CNTN1: variants seen among roughly 807,000 people sequenced by gnomAD.
CNTN1 encodes contactin-1.
In CNTN1, 38 loss-of-function variants were observed where a neutral mutation model predicts 126.4. That is an observed-to-expected ratio of 0.30 (90% CI 0.23 to 0.39). The LOEUF is 0.39. Ranked by LOEUF, CNTN1 falls within the 10% of genes least tolerant of loss-of-function variation. CNTN1 has a pLI of 1.00. For synonymous variants in CNTN1, 413 were observed against 422.6 expected, an observed-to-expected ratio of 0.98 and a Z score of 0.28; for missense variants, 1,009 against 1,248.4, an observed-to-expected ratio of 0.81 and a Z score of 2.89.
chr12:40,791,367 G>A (rs374491887), intron 1 of CNTN1, among the ~76,000 whole-genome samples: 1 of 152,160 alleles, frequency 6.6e-6, no homozygotes, highest in Non-Finnish European at 1.5e-5. Flanking sequence ...CAAATTCTCT[G>A]CTATGGTCTA....
At chr12:40,870,479 T>A (rs1943447782) in intron 1 of CNTN1, among the ~76,000 whole-genome samples, 1 of 152,162 alleles carries the variant, frequency 6.6e-6, no homozygotes, top group Non-Finnish European at 1.5e-5. Flanking sequence ...ATAATGTTTA[T>A]TTCAACTTCC....
intron 1 of CNTN1, among the ~76,000 whole-genome samples, chr12:40,906,848 T>G (rs1311243785): frequency 6.6e-6 from 1 of 151,900 alleles, no homozygotes; most frequent in African/African-American, 2.4e-5. Context: ...AGGCTAGTTT[T>G]ATATTTTTAG....
At chr12:41,028,080 G>T in intron 22 of CNTN1, 111 bp downstream of exon 22, 3 of 731,936 alleles carry the variant, frequency 4.1e-6, no homozygotes, top group Non-Finnish European at 7.2e-6. Context: ...CACCCAGACC[G>T]GAGTGCAGTG....
At chr12:40,951,954 C>A (rs1469273253) in intron 14 of CNTN1, among the ~76,000 whole-genome samples, 2 of 151,384 alleles carry the variant, frequency 1.3e-5, no homozygotes, top group Admixed American at 1.3e-4. Flanking sequence ...GTTAGCTAGA[C>A]AATTAGATAA....
At chr12:40,939,605 A>G (rs914030260) in intron 12 of CNTN1, 120 bp downstream of exon 12, 11 of 1,083,462 alleles carry the variant, frequency 1.0e-5, no homozygotes, top group Non-Finnish European at 1.5e-5. Context: ...TTTTTCACAG[A>G]AGATCCTGTA....
In CNTN1 at chr12:40,750,620, T is replaced by C. The variant is rs1226879735; in HGVS notation, c.-77+58028T>C. 4.0e-5 allele frequency among the ~76,000 whole-genome samples: 6 copies of C among 151,768 alleles called. No homozygotes were observed. The South Asian group carries it at 8.3e-4, about 21-fold the overall frequency. ...GAGTTTAAGAACAGTCTAGGCAAGA[T>C]AGTGAGACCCCCATCTCTATTTTGA... On this transcript the variant is annotated intron_variant, in intron 1 of 23. Transcript: ENST00000551295.
At chr12:40,829,624 G>C (rs1941740048) in intron 1 of CNTN1, among the ~76,000 whole-genome samples, 1 of 152,046 alleles carries the variant, frequency 6.6e-6, no homozygotes, top group Admixed American at 6.6e-5. Flanking sequence ...CTGTTGTCCA[G>C]GTGTTGTGCA....
At chr12:41,057,468 T>C (rs994986771) in intron 23 of CNTN1, among the ~76,000 whole-genome samples, 2 of 151,866 alleles carry the variant, frequency 1.3e-5, no homozygotes, top group Non-Finnish European at 2.9e-5. Context: ...TTTAGCTCGG[T>C]GAAATATTTT....
chr12:40,993,724 AT>A (rs1353306415), intron 17 of CNTN1, among the ~76,000 whole-genome samples: 1 of 152,124 alleles, frequency 6.6e-6, no homozygotes, highest in Admixed American at 6.6e-5. Context: ...GTCGGTGGAT[AT>A]TTTATGGTAA....
Position 40,950,097 on chromosome 12 carries a change from GGTGTGTGTGTGTGTGTGT to G in CNTN1, c.1683+5956_1683+5973del, listed in dbSNP as rs59713493. 2.1e-3 allele frequency among the ~76,000 whole-genome samples: 308 copies of G among 145,232 alleles called. 2 individuals are homozygous for G. The highest frequency in any genetic ancestry group is 6.3e-3 in the East Asian group (30 of 4,744). On this transcript the variant is annotated intron_variant, in intron 14 of 23. Transcript: ENST00000551295. ...ATCACAACTGTAGAGGTGTTGAGAG[GGTGTGTGTGTGTGTGTGT>G]GTGTGTGTGTGTGTGTGTGTGTGTG...
At chr12:41,034,626 C>T (rs1461609341) in intron 23 of CNTN1, among the ~76,000 whole-genome samples, 1 of 152,164 alleles carries the variant, frequency 6.6e-6, no homozygotes, top group Non-Finnish European at 1.5e-5. Context: ...TTTTCCTTTA[C>T]CCCATTTTTC....
intron 1 of CNTN1, among the ~76,000 whole-genome samples, chr12:40,747,901 G>A (rs894994664): frequency 4.6e-5 from 7 of 152,264 alleles, no homozygotes; most frequent in Admixed American, 3.9e-4. Flanking sequence ...GCAATCAGTA[G>A]TCTGAGTTGA....
chr12:40,707,227 C>CTTTTTTTTTTTTTTTTTTTT lies in CNTN1; in HGVS notation c.-77+14655_-77+14674dup, dbSNP rs370984371. Among the ~76,000 whole-genome samples the CTTTTTTTTTTTTTTTTTTTT allele has an allele frequency of 2.2e-4, 24 of 109,178 alleles. 4 individuals are homozygous for CTTTTTTTTTTTTTTTTTTTT. Among genetic ancestry groups the CTTTTTTTTTTTTTTTTTTTT allele is most frequent in the African/African-American group, 8.0e-4 (21 of 26,098 alleles). The allele number at this position is 109,178 out of a possible 152,430, so 71.6% of individuals were successfully genotyped here. ...TTCCTCTTTCATTTCTTTTCTTTTT[C>CTTTTTTTTTTTTTTTTTTTT]TTTTTTTTTTTTTTTTTTTTTTTTT... is the stretch of plus-strand genomic sequence containing the variant. On this transcript the variant is annotated intron_variant, in intron 1 of 23. Coordinates refer to ENST00000551295, the MANE Select transcript of CNTN1 (RefSeq NM_001843.4).
chr12:40,831,531 G>C (rs1380795559), intron 1 of CNTN1, among the ~76,000 whole-genome samples: 4 of 151,986 alleles, frequency 2.6e-5, no homozygotes, highest in African/African-American at 9.7e-5. Flanking sequence ...TGATTAAATT[G>C]GTTCCCCCTC....
At chr12:40,952,752 G>A (rs1946734648) in intron 14 of CNTN1, among the ~76,000 whole-genome samples, 2 of 152,086 alleles carry the variant, frequency 1.3e-5, no homozygotes, top group African/African-American at 2.4e-5. Context: ...AGTAATGTTT[G>A]CAGTTGGATA....
intron 23 of CNTN1, among the ~76,000 whole-genome samples, chr12:41,049,224 T>A (rs1427632331): frequency 6.6e-6 from 1 of 152,202 alleles, no homozygotes; most frequent in Non-Finnish European, 1.5e-5. Context: ...CTTTTCCTCT[T>A]AGCCCTTAGG....
intron 1 of CNTN1, among the ~76,000 whole-genome samples, chr12:40,745,890 G>C (rs146680104): frequency 8.8e-4 from 134 of 152,230 alleles, no homozygotes; most frequent in African/African-American, 3.1e-3. Context: ...AAACCCCTCT[G>C]ATGAGACTTT....
At chr12:40,881,199 C>A (rs1460488804) in intron 1 of CNTN1, among the ~76,000 whole-genome samples, 1 of 151,862 alleles carries the variant, frequency 6.6e-6, no homozygotes, top group Non-Finnish European at 1.5e-5. Flanking sequence ...TGTAAACCCA[C>A]CCAAATATTT....
At chr12:40,838,706 C>G (rs1474238855) in intron 1 of CNTN1, among the ~76,000 whole-genome samples, 3 of 152,186 alleles carry the variant, frequency 2.0e-5, no homozygotes, top group African/African-American at 7.2e-5. Context: ...TATACAGAGA[C>G]ACACTTAGAA....
Sources: allele counts gnomAD v4.1 joint callset (sites outside exome capture counted in the v4.1 genomes callset), GRCh38; gene constraint gnomAD v4.1.1; transcripts MANE v1.5; gene names NCBI Gene and HGNC (gene_info 2026-07-23, HGNC 2026-07-21).